The following USP40 variants were observed in gnomAD, a reference collection of about 807,000 sequenced individuals.
The protein encoded by USP40 is ubiquitin carboxyl-terminal hydrolase 40.
Under a neutral mutation model 166.2 loss-of-function variants are expected in USP40, and 143 were observed. That is an observed-to-expected ratio of 0.86 (90% CI 0.75 to 0.99). USP40 has a LOEUF of 0.99. USP40 is among the 50% of genes least tolerant of loss of function. USP40 has a pLI of 0.00. For missense variants in USP40, 1,444 were observed against 1,479.7 expected, an observed-to-expected ratio of 0.98 and a Z score of 0.40; for synonymous variants, 498 against 524.0, an observed-to-expected ratio of 0.95 and a Z score of 0.68.
chr2:233,533,610 G>A lies in USP40; in HGVS notation c.1340C>T (p.Pro447Leu), dbSNP rs1226373478. Residue 447 changes from proline (P) to leucine (L), a missense_variant, in exon 11 of 32, where the codon CCC (proline) becomes CTC (leucine). Transcript: ENST00000678225. The part of the protein sequence containing the change: ...SPGLNNSISC[P>L]HWFDINDSKV... Reference sequence around the variant, plus strand: ...AGAATCATTTATATCAAACCAGTGGGGACAGGAGATGCTATTGTTTAAACC... The same window carrying A: ...AGAATCATTTATATCAAACCAGTGGAGACAGGAGATGCTATTGTTTAAACC... 1.2e-6 allele frequency: 2 copies of A among 1,613,716 alleles called. No homozygotes were observed. The highest frequency in any genetic ancestry group is 1.7e-6 in the Non-Finnish European group (2 of 1,179,798).
chr2:233,514,289 G>A (rs1333289433), intron 18 of USP40, among the ~76,000 whole-genome samples: 1 of 152,200 alleles, frequency 6.6e-6, no homozygotes, highest in Admixed American at 6.5e-5. Flanking sequence ...AAAGTACAGG[G>A]TGTTAGGAGA....
intron 16 of USP40, among the ~76,000 whole-genome samples, chr2:233,521,597 G>A (rs2067662350): frequency 6.6e-6 from 1 of 152,182 alleles, no homozygotes; most frequent in Admixed American, 6.5e-5. Context: ...ATTGCAGCCG[G>A]CAGTAGAGTA....
chr2:233,555,142 G>A (rs1467314569), intron 5 of USP40, among the ~76,000 whole-genome samples: 1 of 152,058 alleles, frequency 6.6e-6, no homozygotes, highest in African/African-American at 2.4e-5. Context: ...GCAGTGAGCC[G>A]AGATTGCGCC....
At chr2:233,537,075 G>A (rs756395317) in intron 10 of USP40, among the ~76,000 whole-genome samples, 3 of 151,982 alleles carry the variant, frequency 2.0e-5, no homozygotes, top group African/African-American at 4.8e-5. Flanking sequence ...GTACAGATGG[G>A]GTCTTGCTAT....
At chr2:233,485,669 C>G (rs1489661611) in intron 29 of USP40, 43 bp from the exon 30 acceptor site, 1 of 1,604,098 alleles carries the variant, frequency 6.2e-7, no homozygotes, top group Non-Finnish European at 8.5e-7. Context: ...AACTCAACCT[C>G]AAGTTCTCAC....
rs1174823425 is a variant in USP40 at position 233,559,912 on chromosome 2, G to C, written c.280C>G (p.Pro94Ala). ...GCAAACAAGCGCTGTAACTGTAAAG[G>C]GATGATTCGAACCTGAATGAGAAAC... ...DKPDAKVRII[P>A]LQLQRLFAQL... is the part of the protein sequence containing the mutation. Residue 94 changes from proline to alanine, a missense_variant, in exon 4 of 32, where the codon CCT (proline) becomes GCT (alanine). By Grantham distance (27) the Pro-to-Ala change is conservative. Coordinates refer to ENST00000678225, the MANE Select transcript of USP40 (RefSeq NM_001365479.2). 6.2e-7 allele frequency: 1 copy of C among 1,604,584 alleles called. No individual in the cohort carries two copies. Among genetic ancestry groups the C allele is most frequent in the Non-Finnish European group, 8.5e-7 (1 of 1,175,468 alleles).
intron 8 of USP40, among the ~76,000 whole-genome samples, chr2:233,545,143 T>A (rs2069789952): frequency 6.6e-6 from 1 of 152,146 alleles, no homozygotes; most frequent in Non-Finnish European, 1.5e-5. Flanking sequence ...TCAGAAGATA[T>A]CCAAGTCAGA....
chr2:233,479,573 A>AAAAAAT (rs1024525675), intron 31 of USP40, among the ~76,000 whole-genome samples: 3 of 150,094 alleles, frequency 2.0e-5, no homozygotes, highest in African/African-American at 7.6e-5. Flanking sequence ...AAAAAAAAAA[A>AAAAAAT]AAATTTGGAA....
At chr2:233,491,328 T>G in intron 25 of USP40, 67 bp from the exon 26 acceptor site, 5 of 1,134,532 alleles carry the variant, frequency 4.4e-6, no homozygotes, top group South Asian at 2.6e-5. Context: ...TGAAATACAT[T>G]GCCATGTTTT....
chr2:233,481,417 C>T (rs1575208716), intron 30 of USP40, 120 bp from the exon 31 acceptor site: 2 of 859,038 alleles, frequency 2.3e-6, no homozygotes, highest in Non-Finnish European at 1.8e-6. Flanking sequence ...TTTACATAAA[C>T]TAGGTGAATA....
chr2:233,520,578 T>A (rs2067582884), intron 17 of USP40, among the ~76,000 whole-genome samples: 5 of 151,998 alleles, frequency 3.3e-5, no homozygotes, highest in Admixed American at 3.3e-4. Flanking sequence ...CAGAGTATAA[T>A]GTAAAACAAT....
At chr2:233,548,999 T>C (rs2070268263) in intron 8 of USP40, 102 bp downstream of exon 8, 2 of 1,181,676 alleles carry the variant, frequency 1.7e-6, no homozygotes, top group South Asian at 1.7e-5. Context: ...AAGTTTTCTA[T>C]AGAGTGGATA....
At chr2:233,550,681 T>C (rs2070468682) in intron 7 of USP40, among the ~76,000 whole-genome samples, 1 of 152,170 alleles carries the variant, frequency 6.6e-6, no homozygotes, top group Non-Finnish European at 1.5e-5. Flanking sequence ...AAGAAATAAT[T>C]ACTCTTTTCA....
chr2:233,477,164 G>A lies in USP40; in HGVS notation c.*228C>T, dbSNP rs1168464076. On this transcript the variant is annotated 3_prime_UTR_variant, in exon 32 of 32. Coordinates refer to ENST00000678225, the MANE Select transcript of USP40 (RefSeq NM_001365479.2). ...TGAGAGAGCCCAGCACCTACTGGCA[G>A]CTGGGTGGGCGACATCCAGAGCTGC... 1.8e-6 allele frequency: 1 copy of A among 540,804 alleles called. No homozygotes were observed. The highest frequency in any genetic ancestry group is 3.0e-5 in the Admixed American group (1 of 33,228). The allele number at this position is 540,804 out of a possible 1,614,324, so 33.5% of individuals were successfully genotyped here. A position where few individuals can be genotyped will look rare whatever the true frequency, so the allele number is the denominator to read the frequency against.
rs139328981 is a variant in USP40, at chr2:233,557,089, T to C, written c.382-70A>G. The C allele has an allele frequency of 8.0e-3, 10,993 of 1,376,550 alleles. 69 individuals carry two copies. Among genetic ancestry groups the C allele is most frequent in the Non-Finnish European group, 1.0e-2 (10,043 of 1,005,188 alleles). The allele number at this position is 1,376,550 out of a possible 1,614,324, so 85.3% of individuals were successfully genotyped here. The stretch of plus-strand genomic sequence containing the variant: ...TTTTAAAACATTAAAAAAACAAACA[T>C]TAGTCAATAAAAACTCAAGATTTAT... On this transcript the variant is annotated intron_variant, in intron 4 of 31. Coordinates refer to ENST00000678225, the MANE Select transcript of USP40 (RefSeq NM_001365479.2).
At chr2:233,494,113 A>G (rs1322236332) in intron 24 of USP40, among the ~76,000 whole-genome samples, 1 of 152,232 alleles carries the variant, frequency 6.6e-6, no homozygotes, top group Non-Finnish European at 1.5e-5. Context: ...ATTTCCAACA[A>G]TAGAAGATGA....
chr2:233,501,002 G>A (rs2066042582), intron 21 of USP40, among the ~76,000 whole-genome samples: 1 of 152,088 alleles, frequency 6.6e-6, no homozygotes, highest in South Asian at 2.1e-4. Context: ...TAAAAAGTGA[G>A]AAGAAATCCA....
chr2:233,516,815 GC>G, intron 18 of USP40, among the ~76,000 whole-genome samples: 1 of 150,682 alleles, frequency 6.6e-6, no homozygotes, highest in Middle Eastern at 3.4e-3. Flanking sequence ...CAAGATTGCT[GC>G]CCTGTACTCC....
chr2:233,490,173 T>C (rs1052712821), intron 26 of USP40, among the ~76,000 whole-genome samples: 1 of 137,042 alleles, frequency 7.3e-6, no homozygotes, highest in Non-Finnish European at 1.6e-5. Context: ...TTTTTTTTTT[T>C]TTTTTTTTGA....
Sources: allele counts gnomAD v4.1 joint callset (sites outside exome capture counted in the v4.1 genomes callset), GRCh38; gene constraint gnomAD v4.1.1; transcripts MANE v1.5; gene names NCBI Gene and HGNC (gene_info 2026-07-23, HGNC 2026-07-21).